Variants in LINGO2 observed in about 807,000 individuals in gnomAD.
LINGO2 encodes leucine-rich repeat and immunoglobulin-like domain-containing nogo receptor-interacting protein 2.
Under a neutral mutation model 30.6 loss-of-function variants are expected in LINGO2, and 14 were observed. The ratio of observed to expected loss-of-function variants is 0.46; its 90% CI spans 0.30 to 0.72. The LOEUF (loss-of-function observed/expected upper bound fraction) is 0.72. LINGO2 is among the 30% of genes least tolerant of loss of function. The pLI, the probability that LINGO2 is intolerant of heterozygous loss-of-function variation, is 0.07. For synonymous variants in LINGO2, 317 were observed against 288.5 expected (o/e 1.10, Z -1.00); for missense variants, 729 against 751.7 (o/e 0.97, Z 0.35).
intron 1 of LINGO2, among the ~76,000 whole-genome samples, chr9:28,492,527 C>T (rs1425443870): frequency 6.6e-6 from 1 of 152,124 alleles, no homozygotes; most frequent in Non-Finnish European, 1.5e-5. Flanking sequence ...CCACATAGTC[C>T]TGTCAAGCTT....
chr9:28,461,646 C>T (rs765144325), intron 2 of LINGO2, among the ~76,000 whole-genome samples: 1 of 152,106 alleles, frequency 6.6e-6, no homozygotes, highest in African/African-American at 2.4e-5. Flanking sequence ...TCTGACTTAG[C>T]ACAGTCTGTG....
At chr9:28,181,647 C>T (rs1828915272) in intron 4 of LINGO2, among the ~76,000 whole-genome samples, 1 of 152,176 alleles carries the variant, frequency 6.6e-6, no homozygotes, top group South Asian at 2.1e-4. Context: ...ACAGCAAAGA[C>T]CCTGCTTACA....
the LINGO2 span, among the ~76,000 whole-genome samples, chr9:28,895,230 A>C: frequency 9.2e-5 from 14 of 152,296 alleles, no homozygotes; most frequent in East Asian, 2.1e-3. Flanking sequence ...TTTAATAGAC[A>C]TTATTGCACA....
At chr9:28,760,282 A>C in the LINGO2 span, among the ~76,000 whole-genome samples, 2 of 152,024 alleles carry the variant, frequency 1.3e-5, no homozygotes, top group Non-Finnish European at 2.9e-5. Flanking sequence ...ATTGTCAGTC[A>C]AGTGGAGGCT....
the LINGO2 span, among the ~76,000 whole-genome samples, chr9:28,886,324 G>GT: frequency 6.6e-6 from 1 of 151,986 alleles, no homozygotes; most frequent in Non-Finnish European, 1.5e-5. Context: ...AGCTAAAATG[G>GT]TACTATGAAA....
At chr9:28,798,718 C>T in the LINGO2 span, among the ~76,000 whole-genome samples, 1 of 152,100 alleles carries the variant, frequency 6.6e-6, no homozygotes, top group African/African-American at 2.4e-5. Context: ...TGCACGGTTG[C>T]AGGCACAGAA....
At chr9:28,985,650 T>C in the LINGO2 span, among the ~76,000 whole-genome samples, 3 of 152,194 alleles carry the variant, frequency 2.0e-5, 1 homozygote, top group East Asian at 3.9e-4. Flanking sequence ...TGTTGGACAT[T>C]TGTATGTCTT....
chr9:28,773,864 C>T, the LINGO2 span, among the ~76,000 whole-genome samples: 1 of 152,066 alleles, frequency 6.6e-6, no homozygotes. Context: ...GAAACTCACG[C>T]TACATCGTGC....
intron 2 of LINGO2, among the ~76,000 whole-genome samples, chr9:28,383,331 T>C (rs1821434987): frequency 6.6e-6 from 1 of 151,946 alleles, no homozygotes; most frequent in South Asian, 2.1e-4. Context: ...TATATCTGTA[T>C]ATAGTCCCTC....
At chr9:27,965,646 G>A (rs906488326) in intron 5 of LINGO2, among the ~76,000 whole-genome samples, 23 of 152,010 alleles carry the variant, frequency 1.5e-4, no homozygotes, top group African/African-American at 5.3e-4. Context: ...CTCTGTTCTC[G>A]TGTTTATTTT....
intron 4 of LINGO2, among the ~76,000 whole-genome samples, chr9:28,260,381 C>T (rs1162768782): frequency 6.6e-6 from 1 of 151,600 alleles, no homozygotes; most frequent in African/African-American, 2.4e-5. Context: ...TGATGTGTTT[C>T]GTAATGGTCG....
intron 2 of LINGO2, among the ~76,000 whole-genome samples, chr9:28,427,382 T>C (rs1202174835): frequency 6.6e-6 from 1 of 152,110 alleles, no homozygotes; most frequent in Non-Finnish European, 1.5e-5. Flanking sequence ...TACGATCACT[T>C]CACTACTCAA....
chr9:29,117,458 C>T, the LINGO2 span, among the ~76,000 whole-genome samples: 1 of 152,174 alleles, frequency 6.6e-6, no homozygotes, highest in South Asian at 2.1e-4. Flanking sequence ...CTGGCTCCAG[C>T]ATATCACTGG....
chr9:28,003,348 TAGATAGATAGATAGATAG>T (rs1822067214), intron 5 of LINGO2, among the ~76,000 whole-genome samples: 1 of 123,476 alleles, frequency 8.1e-6, no homozygotes, highest in Non-Finnish European at 1.6e-5. Flanking sequence ...GATATATAGA[TAGATAGATAGATAGATAG>T]ATAGATAGAT....
the LINGO2 span, among the ~76,000 whole-genome samples, chr9:28,865,047 T>C: frequency 1.3e-5 from 2 of 152,026 alleles, no homozygotes; most frequent in Admixed American, 6.6e-5. Context: ...GGGAATACCA[T>C]ATATAAGAGA....
At chr9:28,621,671 C>T (rs1405257486) in intron 1 of LINGO2, among the ~76,000 whole-genome samples, 1 of 151,854 alleles carries the variant, frequency 6.6e-6, no homozygotes, top group Non-Finnish European at 1.5e-5. Context: ...AGTGTTTTTG[C>T]ACATATTAAT....
chr9:29,081,942 T>C, the LINGO2 span, among the ~76,000 whole-genome samples: 2 of 152,092 alleles, frequency 1.3e-5, no homozygotes, highest in Non-Finnish European at 2.9e-5. Context: ...CATAAACAAA[T>C]GGAAGAACAT....
At chr9:29,083,911 T>C in the LINGO2 span, among the ~76,000 whole-genome samples, 1 of 152,056 alleles carries the variant, frequency 6.6e-6, no homozygotes, top group Non-Finnish European at 1.5e-5. Flanking sequence ...TCATAGTAGG[T>C]ATTATAAGTC....
chr9:28,214,165 T>C (rs1301911278), intron 4 of LINGO2, among the ~76,000 whole-genome samples: 2 of 151,610 alleles, frequency 1.3e-5, no homozygotes, highest in Non-Finnish European at 3.0e-5. Flanking sequence ...TATGTCAGCA[T>C]CTTTCATAGT....
Sources: gnomAD v4.1 joint callset for allele counts (sites outside exome capture counted in the v4.1 genomes callset) on GRCh38, gnomAD v4.1.1 for gene constraint, MANE v1.5 for transcripts, NCBI Gene and HGNC (gene_info 2026-07-23, HGNC 2026-07-21) for gene names.